PIWIL2: variants seen among roughly 807,000 people sequenced by gnomAD.
PIWIL2 encodes the protein piwi like RNA-mediated gene silencing 2.
PIWIL2 carries 81 observed loss-of-function variants against 116.5 expected under a neutral mutation model. That is an observed-to-expected ratio of 0.70 (90% confidence interval 0.58 to 0.84). PIWIL2 has a LOEUF of 0.84. Among genes scored for constraint, PIWIL2 ranks in the 40% least tolerant of loss-of-function variants. The pLI is 0.00. For synonymous variants in PIWIL2, 489 were observed against 429.5 expected, an observed-to-expected ratio of 1.14 and a Z score of -1.71; for missense variants, 1,272 against 1,212.3, an observed-to-expected ratio of 1.05 and a Z score of -0.73.
intron 20 of PIWIL2, among the ~76,000 whole-genome samples, chr8:22,326,430 G>C (rs1006795518): frequency 6.6e-6 from 1 of 152,112 alleles, no homozygotes; most frequent in Non-Finnish European, 1.5e-5. Context: ...GCTGAGGTAA[G>C]AGGATCTCTA....
rs76753966 is a variant in PIWIL2, at chr8:22,338,811, G to A, written c.2404-14148G>A. Among the ~76,000 whole-genome samples, 1,324 of 152,248 alleles carry A rather than the reference G, an allele frequency of 8.7e-3. 17 individuals are homozygous for A. The highest frequency in any genetic ancestry group is 0.029 in the African/African-American group (1,220 of 41,532). Reference sequence around the variant, plus strand: ...ATCTACAAATGTAACAAGATCCATTGCAAAAGTAACATTTTTTTTTGCAGG... The same window carrying A: ...ATCTACAAATGTAACAAGATCCATTACAAAAGTAACATTTTTTTTTGCAGG... On this transcript the variant is annotated intron_variant, in intron 20 of 22. Transcript: ENST00000356766.
chr8:22,323,067 C>T (rs1208526128), intron 20 of PIWIL2, among the ~76,000 whole-genome samples: 1 of 151,688 alleles, frequency 6.6e-6, no homozygotes, highest in Non-Finnish European at 1.5e-5. Context: ...GCACACACCA[C>T]CACACCCAGC....
At chr8:22,305,906 C>G (rs778445617) in intron 12 of PIWIL2, 21 bp from the exon 13 acceptor site, 3 of 1,589,428 alleles carry the variant, frequency 1.9e-6, no homozygotes, top group African/African-American at 2.7e-5. Flanking sequence ...CTTATTTTCC[C>G]TCTTCGTTCT....
intron 20 of PIWIL2, among the ~76,000 whole-genome samples, chr8:22,334,323 A>G (rs13252840): frequency 0.61 from 92,205 of 151,208 alleles, 30,634 homozygotes; most frequent in East Asian, 0.82. Context: ...ATTTGGGGCC[A>G]GGTGGCTCAC....
chr8:22,323,435 C>T (rs1279573718), intron 20 of PIWIL2, among the ~76,000 whole-genome samples: 4 of 151,978 alleles, frequency 2.6e-5, no homozygotes, highest in Non-Finnish European at 4.4e-5. Flanking sequence ...CATGAGCTAC[C>T]GCGCCCAGCC....
chr8:22,296,020 C>CTTTTTTTTT (rs67357452), intron 10 of PIWIL2, among the ~76,000 whole-genome samples: 39 of 102,836 alleles, frequency 3.8e-4, no homozygotes, highest in Non-Finnish European at 5.3e-4. Context: ...CTCTTCCCTT[C>CTTTTTTTTT]TTTTTTTTTT....
intron 16 of PIWIL2, 134 bp downstream of exon 16, chr8:22,311,434 T>C: frequency 1.5e-6 from 1 of 685,068 alleles, no homozygotes; most frequent in Non-Finnish European, 2.4e-6. Context: ...GCACATGAAA[T>C]ACTGATTGAA....
intron 20 of PIWIL2, among the ~76,000 whole-genome samples, chr8:22,334,912 G>T (rs1831944943): frequency 6.6e-6 from 1 of 151,902 alleles, no homozygotes; most frequent in South Asian, 2.1e-4. Context: ...AAAATTAGGT[G>T]GGCGTGGTGG....
Position 22,311,217 on chromosome 8 carries a change from A to T in PIWIL2, c.1906A>T (p.Met636Leu). ...EKIAGPIGMR[M>L]SPPAWVELKD... ...GATAGCCGGCCCCATTGGCATGCGT[A>T]TGAGCCCACCGGCCTGGGTTGAACT... is the stretch of plus-strand genomic sequence containing the variant. The change falls in exon 16 of 23, where the codon ATG becomes TTG. Residue 636 changes from methionine to leucine, a missense_variant. Coordinates refer to ENST00000356766, the MANE Select transcript of PIWIL2 (RefSeq NM_018068.5). The T allele has an allele frequency of 6.2e-7, 1 of 1,614,200 alleles. No homozygotes were observed. Among genetic ancestry groups the T allele is most frequent in the Non-Finnish European group, 8.5e-7 (1 of 1,180,020 alleles).
intron 20 of PIWIL2, among the ~76,000 whole-genome samples, chr8:22,351,623 C>T (rs1832365226): frequency 6.7e-6 from 1 of 150,152 alleles, no homozygotes; most frequent in Non-Finnish European, 1.5e-5. Flanking sequence ...CTGCAACCTC[C>T]ACCTCCCAGG....
chr8:22,307,821 A>G, intron 13 of PIWIL2, 112 bp from the exon 14 acceptor site: 1 of 750,354 alleles, frequency 1.3e-6, no homozygotes, highest in Non-Finnish European at 2.1e-6. Context: ...ATGTTTGAAA[A>G]TTTCTGCTGA....
At chr8:22,286,270 A>G (rs1278264613) in intron 6 of PIWIL2, among the ~76,000 whole-genome samples, 1 of 152,278 alleles carries the variant, frequency 6.6e-6, no homozygotes, top group East Asian at 1.9e-4. Flanking sequence ...GGCATAGGCC[A>G]TGAGAAGTAG....
At chr8:22,294,437 C>A (rs977645477) in intron 10 of PIWIL2, among the ~76,000 whole-genome samples, 1 of 149,182 alleles carries the variant, frequency 6.7e-6, no homozygotes, top group Non-Finnish European at 1.5e-5. Context: ...GTCAGGCGAT[C>A]GAGACCATCC....
rs551628025 is a variant in PIWIL2, at chr8:22,292,649, C to T, written c.1181+2303C>T. ...CAATTATTGGCTTTTATTTGGAGTT[C>T]ATGAATTGGGTAACACCTTGAGGGT... is the stretch of plus-strand genomic sequence containing the variant. On this transcript the variant is annotated intron_variant, in intron 10 of 22. Transcript: ENST00000356766. Among the ~76,000 whole-genome samples, 3 of 152,328 alleles carry T rather than the reference C, an allele frequency of 2.0e-5. No homozygotes were observed. The East Asian group carries it at 5.8e-4, about 29-fold the overall frequency.
At chr8:22,295,735 A>G (rs994813922) in intron 10 of PIWIL2, among the ~76,000 whole-genome samples, 2 of 152,050 alleles carry the variant, frequency 1.3e-5, no homozygotes, top group African/African-American at 4.8e-5. Context: ...AAGAGCATTT[A>G]TTTTCCTGGA....
chr8:22,330,743 A>AAT (rs1192348377), intron 20 of PIWIL2, among the ~76,000 whole-genome samples: 3 of 148,356 alleles, frequency 2.0e-5, no homozygotes, highest in Non-Finnish European at 4.5e-5. Flanking sequence ...TAAATAAATA[A>AAT]AAATAGTTGA....
At chr8:22,308,923 G>T (rs13270663) in intron 14 of PIWIL2, among the ~76,000 whole-genome samples, 74,818 of 151,774 alleles carry the variant, frequency 0.49, 20,245 homozygotes, top group East Asian at 0.82. Context: ...AGTGTTAGGA[G>T]TACAGGTGTG....
intron 20 of PIWIL2, among the ~76,000 whole-genome samples, chr8:22,335,719 G>T (rs1214664038): frequency 6.6e-6 from 1 of 151,622 alleles, no homozygotes. Flanking sequence ...AGCTAAATTT[G>T]TTGTTGTTGT....
intron 19 of PIWIL2, among the ~76,000 whole-genome samples, chr8:22,317,691 G>T (rs901495148): frequency 6.6e-6 from 1 of 150,836 alleles, no homozygotes; most frequent in South Asian, 2.1e-4. Flanking sequence ...ACAGAGTCTC[G>T]CTCTGTCGCC....
Sources: allele counts gnomAD v4.1 joint callset (sites outside exome capture counted in the v4.1 genomes callset), GRCh38; gene constraint gnomAD v4.1.1; transcripts MANE v1.5; gene names NCBI Gene and HGNC (gene_info 2026-07-23, HGNC 2026-07-21).